MAF: variants seen among roughly 807,000 people sequenced by gnomAD.
MAF encodes the protein MAF bZIP transcription factor, also known as transcription factor Maf.
In MAF, 10 loss-of-function variants were observed where a neutral mutation model predicts 22.0. That is an observed-to-expected ratio of 0.45 (90% CI 0.28 to 0.77). The LOEUF (loss-of-function observed/expected upper bound fraction) is 0.77. Ranked by LOEUF, MAF falls within the 30% of genes least tolerant of loss-of-function variation. The pLI, the probability that MAF is intolerant of heterozygous loss-of-function variation, is 0.12. For synonymous variants in MAF, 337 were observed against 255.8 expected, an observed-to-expected ratio of 1.32 and a Z score of -3.03; for missense variants, 544 against 548.4, an observed-to-expected ratio of 0.99 and a Z score of 0.08.
the MAF span, among the ~76,000 whole-genome samples, chr16:79,348,652 C>A: frequency 6.6e-6 from 1 of 152,208 alleles, no homozygotes; most frequent in African/African-American, 2.4e-5. Context: ...GACGGGGAAA[C>A]AAAAGCATGG....
the MAF span, among the ~76,000 whole-genome samples, chr16:79,214,703 CTTTTTTT>C: frequency 3.9e-3 from 168 of 43,064 alleles, 1 homozygote; most frequent in African/African-American, 4.2e-3. Flanking sequence ...CTGTGCCTGG[CTTTTTTT>C]TTTTTTTTTT....
At chr16:79,589,239 C>T (rs1236230619), downstream of MAF, among the ~76,000 whole-genome samples, 1 of 152,178 alleles carries the variant, frequency 6.6e-6, no homozygotes, top group Non-Finnish European at 1.5e-5. Context: ...GAGACAGTTC[C>T]TGGATGCCTG....
At chr16:79,460,784 C>T in the MAF span, among the ~76,000 whole-genome samples, 1 of 152,138 alleles carries the variant, frequency 6.6e-6, no homozygotes, top group African/African-American at 2.4e-5. Flanking sequence ...AAATTTTCTT[C>T]TACATTTCTT....
At chr16:79,470,967 G>A in the MAF span, among the ~76,000 whole-genome samples, 6 of 152,326 alleles carry the variant, frequency 3.9e-5, no homozygotes, top group East Asian at 9.6e-4. Flanking sequence ...ATAATGCATG[G>A]AAGATGGTAG....
the MAF span, among the ~76,000 whole-genome samples, chr16:79,309,758 C>T: frequency 6.6e-6 from 1 of 152,278 alleles, no homozygotes; most frequent in East Asian, 1.9e-4. Flanking sequence ...CCCTCCCAGC[C>T]AGGCATGTGA....
the MAF span, among the ~76,000 whole-genome samples, chr16:79,544,978 G>A: frequency 6.6e-6 from 1 of 152,080 alleles, no homozygotes; most frequent in Non-Finnish European, 1.5e-5. Flanking sequence ...GGGGCTTGAG[G>A]TGGTTCTCTA....
the MAF span, among the ~76,000 whole-genome samples, chr16:79,488,432 C>T: frequency 5.9e-5 from 9 of 151,588 alleles, no homozygotes; most frequent in East Asian, 1.6e-3. Context: ...CACTGGTGAC[C>T]TTGGGTGGCA....
At chr16:79,414,981 C>A in the MAF span, among the ~76,000 whole-genome samples, 1,813 of 152,298 alleles carry the variant, frequency 0.012, 15 homozygotes, top group Non-Finnish European at 0.02. Context: ...AAATTCTGCA[C>A]CAGCTCTTGA....
intron 1 of MAF, chr16:79,595,149 T>C (rs565908780): frequency 2.9e-6 from 3 of 1,033,768 alleles, no homozygotes; most frequent in South Asian, 4.6e-5. Flanking sequence ...AGGAAAGAAA[T>C]ATCTGAAGTC....
At chr16:79,440,961 T>C in the MAF span, among the ~76,000 whole-genome samples, 5 of 152,220 alleles carry the variant, frequency 3.3e-5, no homozygotes. Flanking sequence ...GTTGCTGACA[T>C]ATTGCTATTA....
At chr16:79,484,695 A>G in the MAF span, among the ~76,000 whole-genome samples, 2 of 152,194 alleles carry the variant, frequency 1.3e-5, no homozygotes, top group African/African-American at 4.8e-5. Flanking sequence ...CAAAAGGGCC[A>G]GGGTGGGAGC....
the MAF span, among the ~76,000 whole-genome samples, chr16:79,263,053 C>T: frequency 6.6e-6 from 1 of 152,174 alleles, no homozygotes; most frequent in Non-Finnish European, 1.5e-5. Context: ...TCCATATTGA[C>T]ACAGTGTGGC....
At chr16:79,582,900 T>C (rs902676830), downstream of MAF, among the ~76,000 whole-genome samples, 1 of 152,196 alleles carries the variant, frequency 6.6e-6, no homozygotes, top group Non-Finnish European at 1.5e-5. Flanking sequence ...TCAGTGAAGA[T>C]GGGGTCAAGA....
chr16:79,286,779 C>T, the MAF span, among the ~76,000 whole-genome samples: 574 of 152,332 alleles, frequency 3.8e-3, 1 homozygote, highest in African/African-American at 0.013. Flanking sequence ...GCCGTATCCA[C>T]AGGCTCCCAC....
the MAF span, among the ~76,000 whole-genome samples, chr16:79,222,420 C>G: frequency 6.6e-6 from 1 of 152,104 alleles, no homozygotes; most frequent in Non-Finnish European, 1.5e-5. Flanking sequence ...TATGAAGAAA[C>G]TGCATCAACT....
chr16:79,530,907 C>A, the MAF span, among the ~76,000 whole-genome samples: 1 of 152,124 alleles, frequency 6.6e-6, no homozygotes, highest in Non-Finnish European at 1.5e-5. Flanking sequence ...GACTCTTGAG[C>A]CAGCCAGATC....
At chr16:79,512,645 T>C in the MAF span, among the ~76,000 whole-genome samples, 1 of 152,304 alleles carries the variant, frequency 6.6e-6, no homozygotes, top group East Asian at 1.9e-4. Flanking sequence ...GTGCCGTTTA[T>C]GAAAACAACT....
chr16:79,481,664 G>A, the MAF span, among the ~76,000 whole-genome samples: 1 of 150,728 alleles, frequency 6.6e-6, no homozygotes, highest in East Asian at 1.9e-4. Flanking sequence ...ATCCACCTAT[G>A]CATTCATCCA....
chr16:79,213,165 G>A, the MAF span, among the ~76,000 whole-genome samples: 90,936 of 151,988 alleles, frequency 0.6, 28,094 homozygotes, highest in Non-Finnish European at 0.67. Flanking sequence ...GCAAGACGGA[G>A]AAAATGCTTC....
Sources: allele counts gnomAD v4.1 joint callset (sites outside exome capture counted in the v4.1 genomes callset), GRCh38; gene constraint gnomAD v4.1.1; transcripts MANE v1.5; gene names NCBI Gene and HGNC (gene_info 2026-07-23, HGNC 2026-07-21).